Variants in ATP10A observed in about 807,000 individuals in gnomAD.
ATP10A encodes ATPase phospholipid transporting 10A (putative).
Under a neutral mutation model 147.8 loss-of-function variants are expected in ATP10A, and 111 were observed. The ratio of observed to expected loss-of-function variants is 0.75; its 90% CI spans 0.64 to 0.88. The LOEUF is 0.88. ATP10A is among the 40% of genes least tolerant of loss of function. ATP10A has a pLI of 0.00. For missense variants in ATP10A, 1,927 were observed against 1,959.0 expected (o/e 0.98, Z 0.31); for synonymous variants, 875 against 841.6 (o/e 1.04, Z -0.69).
At chr15:25,808,159 C>A (rs1215157189) in intron 1 of ATP10A, among the ~76,000 whole-genome samples, 1 of 152,184 alleles carries the variant, frequency 6.6e-6, no homozygotes, top group Non-Finnish European at 1.5e-5. Context: ...CTTCCCTGTT[C>A]CTCAAGGTTA....
At chr15:25,729,801 C>T (rs1293821102) in intron 3 of ATP10A, among the ~76,000 whole-genome samples, 1 of 152,182 alleles carries the variant, frequency 6.6e-6, no homozygotes, top group Admixed American at 6.5e-5. Context: ...CCCACCCAGG[C>T]CAGCCGGCAG....
At chr15:25,697,454 A>G (rs947691881) in intron 13 of ATP10A, among the ~76,000 whole-genome samples, 3 of 152,256 alleles carry the variant, frequency 2.0e-5, no homozygotes, top group Admixed American at 6.5e-5. Context: ...GACAATCCAC[A>G]GAAGCCAATG....
At chr15:25,682,053 TAAAAAA>T (rs5811392) in intron 17 of ATP10A, among the ~76,000 whole-genome samples, 6 of 127,186 alleles carry the variant, frequency 4.7e-5, no homozygotes, top group Non-Finnish European at 3.2e-5. Context: ...GACCTTGTCT[TAAAAAA>T]AAAAAAAAAA....
intron 4 of ATP10A, 140 bp downstream of exon 4, chr15:25,727,020 G>A (rs1388446277): frequency 5.1e-6 from 3 of 593,960 alleles, no homozygotes; most frequent in African/African-American, 1.9e-5. Context: ...TCGCGCCACT[G>A]CACTCCAGCC....
intron 1 of ATP10A, among the ~76,000 whole-genome samples, chr15:25,789,565 A>AGT (rs59744412): frequency 0.019 from 2,659 of 141,390 alleles, 39 homozygotes; most frequent in African/African-American, 0.026. Flanking sequence ...CCAATAAAGA[A>AGT]GTGTGTGTGT....
intron 2 of ATP10A, among the ~76,000 whole-genome samples, chr15:25,777,819 C>T (rs1032523386): frequency 6.7e-6 from 1 of 149,168 alleles, no homozygotes; most frequent in African/African-American, 2.5e-5. Context: ...TCTGTGTTGC[C>T]CAGGCTGGTC....
In ATP10A at chr15:25,736,078, G is replaced by A. The variant is rs369333699; in HGVS notation, c.718C>T (p.Leu240=). ...CACATGCAGCCGCGAAACCTACTCA[G>A]GTCGTTGTTTGGCTTCTCGCATTCG... ...VIECEKPNND[L]SRFRGCIIHD... is the part of the protein sequence containing the mutation. The change falls in exon 3 of 21, where the codon CTG becomes TTG. Residue 240 remains leucine (L), a synonymous_variant. Coordinates refer to ENST00000555815, the MANE Select transcript of ATP10A (RefSeq NM_024490.4). 4.5e-5 allele frequency: 73 copies of A among 1,613,660 alleles called. No individual in the cohort carries two copies. Among genetic ancestry groups the A allele is most frequent in the Non-Finnish European group, 6.1e-5 (72 of 1,180,012 alleles).
intron 10 of ATP10A, among the ~76,000 whole-genome samples, chr15:25,712,344 C>T (rs1363478870): frequency 5.3e-5 from 8 of 152,170 alleles, no homozygotes; most frequent in Admixed American, 3.9e-4. Context: ...GCAAGTGCTG[C>T]GGCCTTCCTT....
At chr15:25,771,872 C>A (rs956947554) in intron 2 of ATP10A, among the ~76,000 whole-genome samples, 5 of 151,990 alleles carry the variant, frequency 3.3e-5, no homozygotes, top group African/African-American at 1.2e-4. Flanking sequence ...CCTGCCTCAG[C>A]CTCCCAAGGA....
intron 1 of ATP10A, among the ~76,000 whole-genome samples, chr15:25,795,695 T>C (rs899228033): frequency 3.3e-5 from 5 of 152,196 alleles, no homozygotes; most frequent in African/African-American, 1.2e-4. Flanking sequence ...TCTGCAGTCC[T>C]GTGTAATAAT....
rs781555355 is a variant in ATP10A at position 25,727,163 on chromosome 15, C to T, written c.844G>A (p.Ala282Thr). The T allele has an allele frequency of 2.5e-5, 40 of 1,613,766 alleles. No homozygotes were observed. The highest frequency in any genetic ancestry group is 5.3e-5 in the African/African-American group (4 of 74,924). ...TDAVVGIVIY[A>T]GHETKALLNN... is the part of the protein sequence containing the mutation. ...GGTGCCAGGTGCCCGAGCCTACCTG[C>T]GTAGATGACAATGCCGACGACTGCG... Residue 282 changes from alanine (A) to threonine (T), a missense_variant, in exon 4 of 21, where the codon GCA (alanine) becomes ACA (threonine). By Grantham distance (58) the Ala-to-Thr change is moderately conservative (BLOSUM62 0). Coordinates refer to ENST00000555815, the MANE Select transcript of ATP10A (RefSeq NM_024490.4).
At chr15:25,845,649 G>A (rs1474471790) in intron 1 of ATP10A, among the ~76,000 whole-genome samples, 2 of 152,040 alleles carry the variant, frequency 1.3e-5, no homozygotes, top group African/African-American at 4.8e-5. Context: ...ACCCAGCCAG[G>A]GCCCGACACC....
chr15:25,713,155 C>T (rs1016308397), intron 10 of ATP10A, among the ~76,000 whole-genome samples: 1 of 152,230 alleles, frequency 6.6e-6, no homozygotes, highest in Non-Finnish European at 1.5e-5. Flanking sequence ...TGCACTCCTC[C>T]GTCCTCTGAG....
intron 1 of ATP10A, among the ~76,000 whole-genome samples, chr15:25,793,312 TC>T (rs1233742413): frequency 2.0e-5 from 3 of 152,308 alleles, no homozygotes; most frequent in East Asian, 1.9e-4. Flanking sequence ...TACCTGCTCT[TC>T]CCATCCCACC....
chr15:25,817,217 G>A (rs1188074699), intron 1 of ATP10A, among the ~76,000 whole-genome samples: 2 of 152,048 alleles, frequency 1.3e-5, no homozygotes, highest in African/African-American at 4.8e-5. Flanking sequence ...CAAATAGCTG[G>A]GATTACAGGC....
At chr15:25,749,791 A>T (rs1189350452) in intron 2 of ATP10A, among the ~76,000 whole-genome samples, 1 of 152,184 alleles carries the variant, frequency 6.6e-6, no homozygotes, top group Admixed American at 6.5e-5. Flanking sequence ...TAAAAAAGAG[A>T]CCAAAATTGA....
intron 3 of ATP10A, among the ~76,000 whole-genome samples, chr15:25,732,558 C>CTACATGCGACACCTTCTTTTTTTT (rs1555461688): frequency 1.2e-4 from 10 of 84,142 alleles, no homozygotes; most frequent in African/African-American, 1.4e-4. Flanking sequence ...GCGACACCTT[C>CTACATGCGACACCTTCTTTTTTTT]TTTTTTTTTT....
chr15:25,843,678 C>T (rs1892905280), intron 1 of ATP10A, among the ~76,000 whole-genome samples: 1 of 152,130 alleles, frequency 6.6e-6, no homozygotes, highest in African/African-American at 2.4e-5. Context: ...TAGAAAAGGT[C>T]CTTTGGGGAT....
chr15:25,725,466 G>A (rs1902487009), intron 5 of ATP10A, among the ~76,000 whole-genome samples: 1 of 152,180 alleles, frequency 6.6e-6, no homozygotes, highest in Non-Finnish European at 1.5e-5. Context: ...CCGAAGGACA[G>A]CTATACTCTG....
Sources: allele counts gnomAD v4.1 joint callset (sites outside exome capture counted in the v4.1 genomes callset), GRCh38; gene constraint gnomAD v4.1.1; transcripts MANE v1.5; gene names NCBI Gene and HGNC (gene_info 2026-07-23, HGNC 2026-07-21).